The following SCGB2B2 variants were observed in gnomAD, a reference collection of about 807,000 sequenced individuals.
SCGB2B2 encodes the protein secretoglobin family 2B member 2.
A neutral mutation model predicts 7.6 loss-of-function variants in SCGB2B2; 11 were observed. The observed-to-expected ratio is 1.45, with a 90% CI of 0.91 to 2.40. SCGB2B2 has a LOEUF of 2.40. SCGB2B2 is among the 30% of genes most tolerant of loss of function. SCGB2B2 has a pLI of 0.00. For synonymous variants in SCGB2B2, 50 were observed against 48.6 expected (o/e 1.03, Z -0.12); for missense variants, 104 against 115.4 (o/e 0.90, Z 0.45).
chr19:34,601,935 ATAATTTT>A (rs1399115019), intron 1 of SCGB2B2, among the ~76,000 whole-genome samples: 44 of 152,240 alleles, frequency 2.9e-4, no homozygotes, highest in Non-Finnish European at 1.5e-5. Context: ...TTATTTTATA[ATAATTTT>A]TAAATTTTGG....
At chr19:34,623,445 C>T (rs998976273) in intron 1 of SCGB2B2, among the ~76,000 whole-genome samples, 8 of 152,144 alleles carry the variant, frequency 5.3e-5, no homozygotes, top group African/African-American at 1.4e-4. Flanking sequence ...GAAAGGGCGT[C>T]CTCCTTCTCC....
chr19:34,615,195 AGG>A (rs2066037443), intron 1 of SCGB2B2, among the ~76,000 whole-genome samples: 12 of 152,196 alleles, frequency 7.9e-5, no homozygotes, highest in Admixed American at 7.9e-4. Context: ...TATGGGCCAC[AGG>A]GAGCAGGACA....
At chr19:34,614,960 G>A (rs1372766362) in intron 1 of SCGB2B2, among the ~76,000 whole-genome samples, 1 of 152,158 alleles carries the variant, frequency 6.6e-6, no homozygotes. Flanking sequence ...AGCATCATTG[G>A]TCAAGGCTTT....
chr19:34,639,873 G>A (rs1168974569), intron 1 of SCGB2B2, among the ~76,000 whole-genome samples: 1 of 151,748 alleles, frequency 6.6e-6, no homozygotes, highest in African/African-American at 2.4e-5. Context: ...AATGATCATC[G>A]GCCTTGAAAG....
chr19:34,630,273 T>G (rs2066492318), intron 1 of SCGB2B2, among the ~76,000 whole-genome samples: 1 of 151,828 alleles, frequency 6.6e-6, no homozygotes, highest in African/African-American at 2.4e-5. Flanking sequence ...GGGATCTAAT[T>G]AAACTAAAGA....
chr19:34,615,661 A>G (rs1163228955), intron 1 of SCGB2B2, among the ~76,000 whole-genome samples: 1 of 151,858 alleles, frequency 6.6e-6, no homozygotes, highest in East Asian at 1.9e-4. Flanking sequence ...TTTTGTGTGG[A>G]TTTGGTATCA....
intron 1 of SCGB2B2, among the ~76,000 whole-genome samples, chr19:34,612,158 C>G (rs2065951080): frequency 6.7e-6 from 1 of 149,568 alleles, no homozygotes; most frequent in African/African-American, 2.5e-5. Context: ...CCTGCCTCAG[C>G]CTCCCAAGTA....
intron 1 of SCGB2B2, chr19:34,637,730 C>G (rs774116914): frequency 6.6e-6 from 1 of 151,652 alleles, no homozygotes; most frequent in African/African-American, 2.4e-5. Context: ...AAAACTCTCT[C>G]TAGAGAGGAA....
At chr19:34,594,104 C>A in intron 3 of SCGB2B2, 71 bp downstream of exon 3, 1 of 1,240,016 alleles carries the variant, frequency 8.1e-7, no homozygotes, top group Non-Finnish European at 1.2e-6. Context: ...GGATGGAAGG[C>A]AAGTGCAGGG....
downstream of SCGB2B2, among the ~76,000 whole-genome samples, chr19:34,587,784 T>C (rs1433242977): frequency 6.6e-6 from 1 of 152,208 alleles, no homozygotes; most frequent in Non-Finnish European, 1.5e-5. Context: ...CCTATCGAGA[T>C]GTTCATATGG....
chr19:34,639,071 C>T (rs1436287051), intron 1 of SCGB2B2, among the ~76,000 whole-genome samples: 3 of 152,188 alleles, frequency 2.0e-5, no homozygotes. Flanking sequence ...TATCCTTTTA[C>T]TTTTTTTCCC....
At position 34,591,490 on chromosome 19, in the gene SCGB2B2, C is replaced by T. The variant is rs2126968; in HGVS notation, c.*2065G>A. ...CAGTTGGTCTTCCTGCCTCTACTGC[C>T]GCCCCCGTTGCTCTATTCCAACAGG... On this transcript the variant is annotated 3_prime_UTR_variant, in exon 4 of 4. Coordinates refer to ENST00000601241, the MANE Select transcript of SCGB2B2 (RefSeq NM_001025591.4). Among the ~76,000 whole-genome samples, 52,794 of 152,086 alleles carry T rather than the reference C, an allele frequency of 0.35. 11,354 individuals carry two copies. Among genetic ancestry groups the T allele is most frequent in the East Asian group, 0.55 (2,847 of 5,156 alleles).
Position 34,598,732 on chromosome 19 carries a change from C to T in SCGB2B2, c.-2031-2138G>A, listed in dbSNP as rs1332671952. ...ATCACTTCCTTGTGACAGGTCCGTG[C>T]CCTGGCCTCTCTGTGGCTGAGACAG... On this transcript the variant is annotated intron_variant, in intron 1 of 3. Transcript: ENST00000601241. Among the ~76,000 whole-genome samples, 24 of 150,860 alleles carry T rather than the reference C, an allele frequency of 1.6e-4. No homozygotes were observed. In the Admixed American group the frequency reaches 1.6e-3, roughly 10 times the overall value.
downstream of SCGB2B2, among the ~76,000 whole-genome samples, chr19:34,586,344 C>T (rs940037866): frequency 5.3e-5 from 8 of 152,134 alleles, no homozygotes; most frequent in Non-Finnish European, 8.8e-5. Flanking sequence ...TTGCAAAAAT[C>T]AGAACCACCA....
At chr19:34,643,399 A>G (rs2066900229) in intron 1 of SCGB2B2, among the ~76,000 whole-genome samples, 1 of 152,192 alleles carries the variant, frequency 6.6e-6, no homozygotes, top group Non-Finnish European at 1.5e-5. Flanking sequence ...GTAGAAGGAT[A>G]GACACTACAG....
At chr19:34,628,698 G>A (rs955338447) in intron 1 of SCGB2B2, among the ~76,000 whole-genome samples, 4 of 151,920 alleles carry the variant, frequency 2.6e-5, no homozygotes, top group African/African-American at 9.7e-5. Context: ...ACAAAGAGGA[G>A]CTAGTACCAT....
At chr19:34,614,922 G>A (rs2066029994) in intron 1 of SCGB2B2, among the ~76,000 whole-genome samples, 2 of 152,236 alleles carry the variant, frequency 1.3e-5, no homozygotes, top group South Asian at 4.1e-4. Flanking sequence ...GACTGCAGAT[G>A]TTTGTGACAG....
chr19:34,606,329 G>A (rs1357691828), intron 1 of SCGB2B2, among the ~76,000 whole-genome samples: 1 of 151,972 alleles, frequency 6.6e-6, no homozygotes, highest in Non-Finnish European at 1.5e-5. Flanking sequence ...AGGTATTGAA[G>A]TCAGCCAGAC....
At chr19:34,610,424 A>G (rs1482763298) in intron 1 of SCGB2B2, among the ~76,000 whole-genome samples, 2 of 152,166 alleles carry the variant, frequency 1.3e-5, no homozygotes, top group East Asian at 3.8e-4. Context: ...TTCTTTATTC[A>G]GTATGATTTT....
Sources: allele counts gnomAD v4.1 joint callset (sites outside exome capture counted in the v4.1 genomes callset), GRCh38; gene constraint gnomAD v4.1.1; transcripts MANE v1.5; gene names NCBI Gene and HGNC (gene_info 2026-07-23, HGNC 2026-07-21).